SIPA1L2: variants seen among roughly 807,000 people sequenced by gnomAD.
SIPA1L2 encodes signal-induced proliferation-associated 1-like protein 2.
A neutral mutation model predicts 163.9 loss-of-function variants in SIPA1L2; 56 were observed. The observed-to-expected ratio is 0.34, with a 90% CI of 0.28 to 0.43. The LOEUF is 0.43. SIPA1L2 is among the 20% of genes least tolerant of loss of function. The probability of loss-of-function intolerance (pLI) is 1.00; values close to 1 mark genes in which losing one functional copy is unlikely to be tolerated. For missense variants in SIPA1L2, 1,974 were observed against 2,193.5 expected, an observed-to-expected ratio of 0.90 and a Z score of 2.00; for synonymous variants, 877 against 865.7, an observed-to-expected ratio of 1.01 and a Z score of -0.23.
intron 1 of SIPA1L2, among the ~76,000 whole-genome samples, chr1:232,576,376 GATGGA>G (rs1360753046): frequency 2.0e-5 from 3 of 152,178 alleles, no homozygotes; most frequent in African/African-American, 7.2e-5. Flanking sequence ...AGCGATCTTG[GATGGA>G]ACTAGTGTAA....
intron 2 of SIPA1L2, among the ~76,000 whole-genome samples, chr1:232,528,678 C>A (rs1402596088): frequency 6.6e-6 from 1 of 152,162 alleles, no homozygotes; most frequent in East Asian, 1.9e-4. Flanking sequence ...ATGCACAGAC[C>A]TGGCTTACAA....
chr1:232,597,856 C>T lies in SIPA1L2; in HGVS notation c.-318-23634G>A, dbSNP rs569212051. Among the ~76,000 whole-genome samples the T allele has an allele frequency of 2.6e-5, 4 of 152,170 alleles. No homozygotes were observed. The South Asian group carries it at 8.3e-4, about 32-fold the overall frequency. ...GGAATCAGAACCCCACACAGGAATTCCTTTTAGACAGGCTGAGTCTGAGGC... is the reference window on the plus strand; with the variant it reads ...GGAATCAGAACCCCACACAGGAATTTCTTTTAGACAGGCTGAGTCTGAGGC... On this transcript the variant is annotated intron_variant, in intron 1 of 22. Transcript: ENST00000674635.
intron 17 of SIPA1L2, among the ~76,000 whole-genome samples, chr1:232,427,956 G>C (rs961125867): frequency 1.3e-5 from 2 of 152,200 alleles, no homozygotes; most frequent in Non-Finnish European, 2.9e-5. Flanking sequence ...AAGTCAGGTG[G>C]TGTGAATTTT....
At chr1:232,570,478 T>C (rs528150011) in intron 2 of SIPA1L2, among the ~76,000 whole-genome samples, 145 of 152,348 alleles carry the variant, frequency 9.5e-4, no homozygotes, top group Non-Finnish European at 1.5e-3. Flanking sequence ...TAAAGGTCAC[T>C]GCAAAAGAAA....
intron 1 of SIPA1L2, among the ~76,000 whole-genome samples, chr1:232,582,520 G>C (rs1171356291): frequency 2.0e-5 from 3 of 152,172 alleles, no homozygotes; most frequent in Non-Finnish European, 4.4e-5. Context: ...GTATTCCATA[G>C]TGTATATATA....
rs907655194 is a variant in SIPA1L2 at position 232,514,314 on chromosome 1, G to A, written c.1026C>T (p.Asn342=). 2.8e-5 allele frequency: 45 copies of A among 1,613,298 alleles called. No individual in the cohort carries two copies. Among genetic ancestry groups the A allele is most frequent in the African/African-American group, 2.3e-4 (17 of 75,036 alleles). The change falls in exon 3 of 23, where the codon AAC becomes AAT. Residue 342 remains asparagine, a synonymous_variant. Coordinates refer to ENST00000674635, the MANE Select transcript of SIPA1L2 (RefSeq NM_020808.5). ...YDVQSILFNI[N]EAMATRANVG... ...CATTAGCCCTCGTAGCCATGGCTTCGTTGATATTAAACAAAATGCTCTGGA... is the reference window on the plus strand; with the variant it reads ...CATTAGCCCTCGTAGCCATGGCTTCATTGATATTAAACAAAATGCTCTGGA...
chr1:232,441,299 G>A lies in SIPA1L2; in HGVS notation c.3634C>T (p.Leu1212Phe), dbSNP rs1662878411. Residue 1212 changes from leucine to phenylalanine, a missense_variant, in exon 14 of 23, where the codon CTT becomes TTT. Physicochemically the swap from Leu to Phe is conservative, Grantham distance 22. Transcript: ENST00000674635. ...ATGAACAAAGGACTTACGTGAGAAA[G>A]CTTATTGGGGGAATCTTTGCAACTT... ...DGSCKDSPNK[L>F]SHIGDKSCSS... 1.3e-6 allele frequency: 2 copies of A among 1,595,030 alleles called. No individual in the cohort carries two copies. The highest frequency in any genetic ancestry group is 2.7e-5 in the African/African-American group (2 of 73,120).
chr1:232,548,958 TG>T (rs1329419660), intron 2 of SIPA1L2, among the ~76,000 whole-genome samples: 1 of 152,214 alleles, frequency 6.6e-6, no homozygotes, highest in African/African-American at 2.4e-5. Flanking sequence ...CAGAAGCTTC[TG>T]GAAAGCCCAA....
At chr1:232,574,960 A>G (rs1659998600) in intron 1 of SIPA1L2, among the ~76,000 whole-genome samples, 1 of 152,234 alleles carries the variant, frequency 6.6e-6, no homozygotes. Flanking sequence ...CTGGCACTCA[A>G]GAGACTGGTT....
intron 2 of SIPA1L2, among the ~76,000 whole-genome samples, chr1:232,527,503 T>C (rs1429721764): frequency 7.9e-5 from 12 of 152,206 alleles, no homozygotes; most frequent in Admixed American, 7.9e-4. Context: ...TTTGGAATGT[T>C]TCAAGTATGA....
At chr1:232,414,772 C>G (rs942510222) in intron 19 of SIPA1L2, among the ~76,000 whole-genome samples, 1 of 152,220 alleles carries the variant, frequency 6.6e-6, no homozygotes, top group African/African-American at 2.4e-5. Context: ...TCATAAGTCA[C>G]GATCCCGAGG....
At chr1:232,604,163 C>A (rs1185343908) in intron 1 of SIPA1L2, among the ~76,000 whole-genome samples, 1 of 152,094 alleles carries the variant, frequency 6.6e-6, no homozygotes, top group African/African-American at 2.4e-5. Flanking sequence ...CATAAGGGAA[C>A]TTCCCCTGTG....
intron 10 of SIPA1L2, among the ~76,000 whole-genome samples, chr1:232,458,676 C>T (rs929773596): frequency 6.6e-6 from 1 of 152,092 alleles, no homozygotes; most frequent in Non-Finnish European, 1.5e-5. Context: ...TGATTCTTAT[C>T]TTAATAATTA....
intron 1 of SIPA1L2, among the ~76,000 whole-genome samples, chr1:232,608,861 C>A (rs998281308): frequency 6.6e-6 from 1 of 152,136 alleles, no homozygotes; most frequent in Non-Finnish European, 1.5e-5. Context: ...CCATCTTCAA[C>A]TCACAGCCCC....
intron 1 of SIPA1L2, among the ~76,000 whole-genome samples, chr1:232,578,044 C>T (rs1031055329): frequency 2.0e-5 from 3 of 152,154 alleles, no homozygotes; most frequent in African/African-American, 7.2e-5. Context: ...CCCAGCCCAA[C>T]CTTCAGCCAC....
At chr1:232,517,589 T>G (rs1481279892) in intron 2 of SIPA1L2, among the ~76,000 whole-genome samples, 1 of 152,226 alleles carries the variant, frequency 6.6e-6, no homozygotes, top group African/African-American at 2.4e-5. Context: ...CTATTATAAT[T>G]TACTGGGCTC....
intron 18 of SIPA1L2, among the ~76,000 whole-genome samples, chr1:232,422,256 A>G (rs930561370): frequency 1.3e-4 from 20 of 152,344 alleles, no homozygotes; most frequent in African/African-American, 4.8e-4. Context: ...CAAGTTGAAG[A>G]CATAAAGATA....
Position 232,403,579 on chromosome 1 carries a change from G to A in SIPA1L2, c.4817-8C>T, listed in dbSNP as rs1338775995. 13 of 1,608,686 alleles carry A rather than the reference G, an allele frequency of 8.1e-6. No individual in the cohort carries two copies. The highest frequency in any genetic ancestry group is 1.1e-5 in the Non-Finnish European group (13 of 1,177,656). ...AGGATGCCACCCTCTGGTCTGGGGAGGGGAGAAACACACACAGAAAGAAGG... is the reference window on the plus strand; with the variant it reads ...AGGATGCCACCCTCTGGTCTGGGGAAGGGAGAAACACACACAGAAAGAAGG... On this transcript the variant is annotated splice_polypyrimidine_tract_variant and splice_region_variant and intron_variant, in intron 20 of 22. Transcript: ENST00000674635.
intron 2 of SIPA1L2, among the ~76,000 whole-genome samples, chr1:232,560,102 GA>G: frequency 6.6e-6 from 1 of 152,296 alleles, no homozygotes; most frequent in Middle Eastern, 3.4e-3. Flanking sequence ...ACTCAGAACA[GA>G]AATAGCCCTT....
Sources: gnomAD v4.1 joint callset for allele counts (sites outside exome capture counted in the v4.1 genomes callset) on GRCh38, gnomAD v4.1.1 for gene constraint, MANE v1.5 for transcripts, NCBI Gene and HGNC (gene_info 2026-07-23, HGNC 2026-07-21) for gene names.